Variants in GPR158 observed in about 807,000 individuals in gnomAD.
GPR158 encodes the protein metabotropic glycine receptor.
GPR158 carries 30 observed loss-of-function variants against 78.2 expected under a neutral mutation model. That is an observed-to-expected ratio of 0.38 (90% CI 0.29 to 0.52). GPR158 has a LOEUF of 0.52. GPR158 is among the 20% of genes least tolerant of loss of function. GPR158 has a pLI of 0.83. For synonymous variants in GPR158, 581 were observed against 591.1 expected (o/e 0.98, Z 0.25); for missense variants, 1,463 against 1,523.5 (o/e 0.96, Z 0.66).
At chr10:25,247,777 C>T (rs1466501270) in intron 2 of GPR158, among the ~76,000 whole-genome samples, 5 of 151,254 alleles carry the variant, frequency 3.3e-5, no homozygotes, top group East Asian at 1.9e-4. Context: ...AATAAACATA[C>T]GTGTGCATGT....
intron 2 of GPR158, among the ~76,000 whole-genome samples, chr10:25,255,011 T>G (rs1236527243): frequency 1.3e-5 from 2 of 152,216 alleles, no homozygotes; most frequent in Admixed American, 1.3e-4. Context: ...GGTTTTGTAA[T>G]GACATCAAGT....
chr10:25,290,280 T>C (rs545763675), intron 2 of GPR158, among the ~76,000 whole-genome samples: 1 of 152,346 alleles, frequency 6.6e-6, no homozygotes, highest in East Asian at 1.9e-4. Flanking sequence ...TCACATGATA[T>C]AAATTCCTGT....
chr10:25,456,161 G>T (rs1395415404), intron 4 of GPR158, among the ~76,000 whole-genome samples: 1 of 152,052 alleles, frequency 6.6e-6, no homozygotes, highest in African/African-American at 2.4e-5. Flanking sequence ...TCCTCTTCTT[G>T]CAAATAGGGG....
rs544570640 is a variant in GPR158, at chr10:25,416,900, G to C, written c.1335+4427G>C. ...TTAAGGCTAAGTGAAAATAAGTATAGAAAAATTAGTTGAAATCAAGGGTGA... is the reference window on the plus strand; with the variant it reads ...TTAAGGCTAAGTGAAAATAAGTATACAAAAATTAGTTGAAATCAAGGGTGA... On this transcript the variant is annotated intron_variant, in intron 4 of 10. Transcript: ENST00000376351. Among the ~76,000 whole-genome samples, 6 of 152,208 alleles carry C rather than the reference G, an allele frequency of 3.9e-5. No individual in the cohort carries two copies. In the South Asian group the frequency reaches 1.2e-3, roughly 32 times the overall value.
At chr10:25,326,254 C>T (rs1400639119) in intron 2 of GPR158, among the ~76,000 whole-genome samples, 1 of 152,196 alleles carries the variant, frequency 6.6e-6, no homozygotes, top group East Asian at 1.9e-4. Context: ...TGGCTTCCAG[C>T]TCCATCCATG....
At chr10:25,256,333 C>G (rs1205880329) in intron 2 of GPR158, among the ~76,000 whole-genome samples, 3 of 152,094 alleles carry the variant, frequency 2.0e-5, no homozygotes, top group Non-Finnish European at 4.4e-5. Flanking sequence ...TCATGCATTC[C>G]ACATGGTAGA....
chr10:25,575,793 T>C (rs935783937), intron 7 of GPR158, among the ~76,000 whole-genome samples: 1 of 152,092 alleles, frequency 6.6e-6, no homozygotes, highest in Non-Finnish European at 1.5e-5. Flanking sequence ...TGACTTCTAC[T>C]TGAAAAAAAA....
intron 2 of GPR158, among the ~76,000 whole-genome samples, chr10:25,390,092 A>G (rs1198084522): frequency 1.3e-5 from 2 of 152,104 alleles, no homozygotes; most frequent in African/African-American, 4.8e-5. Context: ...TTTGCCCTCC[A>G]TCATATTTAT....
Position 25,598,021 on chromosome 10 carries a change from A to C in GPR158, c.2395A>C (p.Thr799Pro). The change falls in exon 11 of 11, where the codon ACA becomes CCA. Residue 799 changes from threonine (T) to proline (P), a missense_variant. Physicochemically the swap from Thr to Pro is conservative, Grantham distance 38 (BLOSUM62 -1). Coordinates refer to ENST00000376351, the MANE Select transcript of GPR158 (RefSeq NM_020752.3). ...RKNPPESSGNTGKSKEETLKN... is the reference protein window; with the variant it reads ...RKNPPESSGNPGKSKEETLKN... ...GAACCCCCCAGAGTCTTCAGGGAAC[A>C]CAGGGAAATCCAAGGAGGAGACCCT... The C allele has an allele frequency of 1.9e-6, 3 of 1,614,132 alleles. No individual in the cohort carries two copies. Among genetic ancestry groups the C allele is most frequent in the South Asian group, 2.2e-5 (2 of 91,084 alleles).
At chr10:25,252,408 A>G (rs1426252185) in intron 2 of GPR158, among the ~76,000 whole-genome samples, 2 of 152,008 alleles carry the variant, frequency 1.3e-5, no homozygotes, top group Non-Finnish European at 2.9e-5. Flanking sequence ...TAGAGCTTCC[A>G]GTTTTTCTGT....
At chr10:25,284,624 A>C in intron 2 of GPR158, among the ~76,000 whole-genome samples, 1 of 151,880 alleles carries the variant, frequency 6.6e-6, no homozygotes, top group East Asian at 1.9e-4. Flanking sequence ...ATTTAATGTA[A>C]TTAATGATAT....
chr10:25,384,924 GAAA>G (rs1368012460), intron 2 of GPR158, among the ~76,000 whole-genome samples: 3 of 152,070 alleles, frequency 2.0e-5, no homozygotes, highest in African/African-American at 7.2e-5. Flanking sequence ...CTTTGAACTA[GAAA>G]GATCATTTTG....
At chr10:25,251,291 T>A (rs1853794913) in intron 2 of GPR158, among the ~76,000 whole-genome samples, 1 of 152,134 alleles carries the variant, frequency 6.6e-6, no homozygotes, top group African/African-American at 2.4e-5. Context: ...TGTCTTTTAA[T>A]TGGAGAATTT....
chr10:25,468,902 A>G (rs867164930), intron 5 of GPR158, among the ~76,000 whole-genome samples: 1 of 152,234 alleles, frequency 6.6e-6, no homozygotes, highest in Non-Finnish European at 1.5e-5. Flanking sequence ...TGTGACAAAC[A>G]CTAAGAAAGC....
chr10:25,507,784 C>T (rs1836032397), intron 5 of GPR158, among the ~76,000 whole-genome samples: 1 of 152,128 alleles, frequency 6.6e-6, no homozygotes. Flanking sequence ...TTCAAAGCTC[C>T]TTTGACACAC....
intron 4 of GPR158, among the ~76,000 whole-genome samples, chr10:25,414,431 A>G (rs1315750317): frequency 6.6e-6 from 1 of 152,188 alleles, no homozygotes; most frequent in Non-Finnish European, 1.5e-5. Context: ...AACATTATCT[A>G]GTTTTAAGAT....
intron 2 of GPR158, among the ~76,000 whole-genome samples, chr10:25,353,457 C>A (rs1346575899): frequency 1.3e-5 from 2 of 150,974 alleles, no homozygotes; most frequent in Non-Finnish European, 2.9e-5. Flanking sequence ...GCACATGTAC[C>A]CTAAAACTTA....
intron 9 of GPR158, among the ~76,000 whole-genome samples, 187 bp downstream of exon 9, chr10:25,594,584 C>A (rs1214211798): frequency 6.6e-6 from 1 of 152,004 alleles, no homozygotes. Context: ...TTTTTAAATG[C>A]CTTTGTTTGT....
chr10:25,216,804 A>G (rs1019846010), intron 1 of GPR158, among the ~76,000 whole-genome samples: 9 of 152,140 alleles, frequency 5.9e-5, no homozygotes, highest in African/African-American at 2.2e-4. Flanking sequence ...TTTCAGGTAT[A>G]AAGACGTCTG....
Sources: gnomAD v4.1 joint callset for allele counts (sites outside exome capture counted in the v4.1 genomes callset) on GRCh38, gnomAD v4.1.1 for gene constraint, MANE v1.5 for transcripts, NCBI Gene and HGNC (gene_info 2026-07-23, HGNC 2026-07-21) for gene names.